Variants in KCNQ4 observed in about 807,000 individuals in gnomAD.
KCNQ4 encodes the protein potassium voltage-gated channel subfamily KQT member 4.
Under a neutral mutation model 72.6 loss-of-function variants are expected in KCNQ4, and 31 were observed. The ratio of observed to expected loss-of-function variants is 0.43; its 90% CI spans 0.32 to 0.58. KCNQ4 has a LOEUF of 0.58. Among genes scored for constraint, KCNQ4 ranks in the 20% least tolerant of loss-of-function variants. The probability of loss-of-function intolerance (pLI) is 0.08; values close to 1 mark genes in which losing one functional copy is unlikely to be tolerated. For synonymous variants in KCNQ4, 405 were observed against 403.7 expected, an observed-to-expected ratio of 1.00 and a Z score of -0.04; for missense variants, 869 against 962.6, an observed-to-expected ratio of 0.90 and a Z score of 1.29.
chr1:40,793,563 C>T (rs1647331421), intron 1 of KCNQ4, among the ~76,000 whole-genome samples: 1 of 152,106 alleles, frequency 6.6e-6, no homozygotes, highest in Non-Finnish European at 1.5e-5. Flanking sequence ...CCCTGGGCAT[C>T]TCAAACTCAG....
chr1:40,786,349 G>A lies in KCNQ4; in HGVS notation c.314+1942G>A, dbSNP rs541468860. On this transcript the variant is annotated intron_variant, in intron 1 of 13. Transcript: ENST00000347132. ...TGAAGGACCTGCCTCCTGTCCCCTG[G>A]CCAGCTGCTGTTGGTGCCTCCTTTG... is the stretch of plus-strand genomic sequence containing the variant. 4.2e-3 allele frequency among the ~76,000 whole-genome samples: 633 copies of A among 152,340 alleles called. 6 individuals are homozygous for A. The highest frequency in any genetic ancestry group is 0.014 in the African/African-American group (584 of 41,574).
Position 40,837,653 on chromosome 1 carries a change from C to T in KCNQ4, c.1746-12C>T, listed in dbSNP as rs1323343760. The T allele has an allele frequency of 6.2e-7, 1 of 1,612,186 alleles. No individual in the cohort carries two copies. Among genetic ancestry groups the T allele is most frequent in the East Asian group, 2.2e-5 (1 of 44,844 alleles). On this transcript the variant is annotated splice_polypyrimidine_tract_variant and intron_variant, in intron 12 of 13. Coordinates refer to ENST00000347132, the MANE Select transcript of KCNQ4 (RefSeq NM_004700.4). ...GTGTCCCCGGGCCCTCTGATGGTTC[C>T]CTTACCCTTAGGGTGGACCAAATTG...
Position 40,835,029 on chromosome 1 carries a change from A to G in KCNQ4, c.1676A>G (p.Lys559Arg). The change falls in exon 12 of 14, where the codon AAG (lysine) becomes AGG (arginine). Residue 559 changes from lysine to arginine, a missense_variant. Coordinates refer to ENST00000347132, the MANE Select transcript of KCNQ4 (RefSeq NM_004700.4). Reference sequence around the variant, plus strand: ...GAGACACTGCGACCGTACGACGTGAAGGACGTCATTGAGCAGTACTCAGCA... The same window carrying G: ...GAGACACTGCGACCGTACGACGTGAGGGACGTCATTGAGCAGTACTCAGCA... ...FKETLRPYDV[K>R]DVIEQYSAGH... The G allele has an allele frequency of 6.2e-7, 1 of 1,614,130 alleles. No individual in the cohort carries two copies. Among genetic ancestry groups the G allele is most frequent in the Non-Finnish European group, 8.5e-7 (1 of 1,179,982 alleles).
Position 40,788,892 on chromosome 1 carries a change from A to G in KCNQ4, c.314+4485A>G. Among the ~76,000 whole-genome samples, 1 of 152,240 alleles carries G rather than the reference A, an allele frequency of 6.6e-6. No individual in the cohort carries two copies. Among genetic ancestry groups the G allele is most frequent in the East Asian group, 1.9e-4 (1 of 5,196 alleles). ...TGCACTCACTGCAACATCGACACAC[A>G]TGCACAAACACACACACAGCATCCA... On this transcript the variant is annotated intron_variant, in intron 1 of 13. Coordinates refer to ENST00000347132, the MANE Select transcript of KCNQ4 (RefSeq NM_004700.4). The surrounding 1 kb of genome is among the most constrained non-coding windows in gnomAD (Gnocchi z 4.5).
In KCNQ4 at chr1:40,784,379, G is replaced by A. The variant is rs1172931093; in HGVS notation, c.286G>A (p.Gly96Ser). 6.2e-7 allele frequency: 1 copy of A among 1,609,902 alleles called. No individual in the cohort carries two copies. Among genetic ancestry groups the A allele is most frequent in the Non-Finnish European group, 8.5e-7 (1 of 1,179,330 alleles). ...CTACAACGTGCTGGAGCGGCCCCGC[G>A]GCTGGGCCTTCGTCTACCACGTCTT... ...WVYNVLERPRGWAFVYHVFIF... is the reference protein window; with the variant it reads ...WVYNVLERPRSWAFVYHVFIF... Residue 96 changes from glycine (G) to serine (S), a missense_variant, in exon 1 of 14, where the codon GGC becomes AGC. Physicochemically the swap from Gly to Ser is moderately conservative, Grantham distance 56. Coordinates refer to ENST00000347132, the MANE Select transcript of KCNQ4 (RefSeq NM_004700.4). This position sits in a 1 kb window ranked among gnomAD's most constrained non-coding sequence, Gnocchi z 4.1.
intron 1 of KCNQ4, among the ~76,000 whole-genome samples, chr1:40,789,735 T>C (rs567227881): frequency 2.9e-4 from 44 of 152,320 alleles, no homozygotes; most frequent in Admixed American, 1.8e-3. Context: ...ATCCTTGGGA[T>C]ATTTAAGCCA....
chr1:40,792,837 G>A (rs1477119921), intron 1 of KCNQ4, among the ~76,000 whole-genome samples: 1 of 152,014 alleles, frequency 6.6e-6, no homozygotes, highest in Non-Finnish European at 1.5e-5. Flanking sequence ...GGGGATTAAG[G>A]TGTAAAGAAG....
At chr1:40,827,221 A>T (rs1648504251) in intron 9 of KCNQ4, among the ~76,000 whole-genome samples, 2 of 152,304 alleles carry the variant, frequency 1.3e-5, no homozygotes, top group South Asian at 4.1e-4. Flanking sequence ...TCTGTGCACT[A>T]GGGACACGGT....
intron 1 of KCNQ4, among the ~76,000 whole-genome samples, chr1:40,816,533 G>A (rs1455512250): frequency 3.3e-5 from 5 of 152,150 alleles, no homozygotes; most frequent in Admixed American, 2.6e-4. Flanking sequence ...ACTGGGGGAT[G>A]AGGGAAGTAT....
At chr1:40,837,149 G>A (rs1373250405) in intron 12 of KCNQ4, among the ~76,000 whole-genome samples, 2 of 150,164 alleles carry the variant, frequency 1.3e-5, no homozygotes, top group Non-Finnish European at 3.0e-5. Flanking sequence ...GTGCAGTGGT[G>A]CAATCACAGC....
At chr1:40,786,851 C>T (rs999439545) in intron 1 of KCNQ4, among the ~76,000 whole-genome samples, 6 of 152,078 alleles carry the variant, frequency 3.9e-5, no homozygotes, top group Non-Finnish European at 7.4e-5. Context: ...GAAGGTCTCT[C>T]CTGTTTGTGA....
chr1:40,806,239 A>G (rs1312598959), intron 1 of KCNQ4, among the ~76,000 whole-genome samples: 1 of 152,200 alleles, frequency 6.6e-6, no homozygotes, highest in African/African-American at 2.4e-5. Context: ...TCCACTAGCC[A>G]TCTTGCTTGA....
At chr1:40,804,392 G>C (rs982405393) in intron 1 of KCNQ4, among the ~76,000 whole-genome samples, 1 of 152,184 alleles carries the variant, frequency 6.6e-6, no homozygotes, top group African/African-American at 2.4e-5. Flanking sequence ...TCACAGGTAA[G>C]CCAGGCCCCT....
chr1:40,818,695 C>A lies in KCNQ4; in HGVS notation c.708+15C>A. Reference sequence around the variant, plus strand: ...CGCATAGCAAGGTGAGGCCTGCAAGCCGCGCGCGGAGACCCGAGGGCGTGT... The same window carrying A: ...CGCATAGCAAGGTGAGGCCTGCAAGACGCGCGCGGAGACCCGAGGGCGTGT... On this transcript the variant is annotated intron_variant, in intron 4 of 13. Transcript: ENST00000347132. The A allele has an allele frequency of 6.4e-7, 1 of 1,574,514 alleles. No individual in the cohort carries two copies.
At chr1:40,787,485 C>T (rs1456326091) in intron 1 of KCNQ4, among the ~76,000 whole-genome samples, 6 of 152,200 alleles carry the variant, frequency 3.9e-5, no homozygotes, top group Non-Finnish European at 8.8e-5. Context: ...CTGAGCCCCA[C>T]ACAGAACCTG....
chr1:40,830,339 C>T (rs560791083), intron 9 of KCNQ4, among the ~76,000 whole-genome samples: 196 of 152,310 alleles, frequency 1.3e-3, no homozygotes, highest in Non-Finnish European at 2.1e-3. Flanking sequence ...TCACGCTGCA[C>T]ACCTCCAGGG....
At chr1:40,790,067 C>A (rs1485970132) in intron 1 of KCNQ4, among the ~76,000 whole-genome samples, 1 of 152,198 alleles carries the variant, frequency 6.6e-6, no homozygotes, top group Admixed American at 6.5e-5. Context: ...GGGGGAATAG[C>A]AGGGACTTTT....
intron 1 of KCNQ4, among the ~76,000 whole-genome samples, chr1:40,790,730 A>C (rs1647264872): frequency 6.6e-6 from 1 of 152,206 alleles, no homozygotes; most frequent in Admixed American, 6.5e-5. Flanking sequence ...CATCAGCTCC[A>C]TACCAGGACC....
chr1:40,821,098 C>T (rs1009835951), intron 7 of KCNQ4, among the ~76,000 whole-genome samples: 2 of 152,206 alleles, frequency 1.3e-5, no homozygotes, highest in South Asian at 2.1e-4. Flanking sequence ...ACCAGCTCAG[C>T]CTTTTCTTCT....
Sources: gnomAD v4.1 joint callset for allele counts (sites outside exome capture counted in the v4.1 genomes callset) on GRCh38, gnomAD v4.1.1 for gene constraint, Gnocchi (gnomAD v3.1) non-coding constraint, MANE v1.5 for transcripts, NCBI Gene and HGNC (gene_info 2026-07-23, HGNC 2026-07-21) for gene names.